Variants in ZBBX observed in about 807,000 individuals in gnomAD.
The protein encoded by ZBBX is zinc finger B-box domain containing.
ZBBX carries 101 observed loss-of-function variants against 108.5 expected under a neutral mutation model. That is an observed-to-expected ratio of 0.93 (90% CI 0.79 to 1.10). The LOEUF (loss-of-function observed/expected upper bound fraction) is 1.10. ZBBX is among the 50% of genes least tolerant of loss of function. ZBBX has a pLI of 0.00. For synonymous variants in ZBBX, 356 were observed against 323.4 expected, an observed-to-expected ratio of 1.10 and a Z score of -1.08; for missense variants, 1,009 against 941.4, an observed-to-expected ratio of 1.07 and a Z score of -0.94.
chr3:167,404,557 G>A (rs200528302), intron 1 of ZBBX, among the ~76,000 whole-genome samples: 20 of 140,188 alleles, frequency 1.4e-4, no homozygotes, highest in East Asian at 1.2e-3. Flanking sequence ...CTTTCTCCAC[G>A]CCCATTCAAG....
chr3:167,390,079 G>C (rs1360572512), intron 1 of ZBBX, among the ~76,000 whole-genome samples: 2 of 151,982 alleles, frequency 1.3e-5, no homozygotes, highest in African/African-American at 2.4e-5. Context: ...GTTTCTTCTA[G>C]GGTTTTTATG....
chr3:167,274,242 G>A (rs1727069914), intron 20 of ZBBX, among the ~76,000 whole-genome samples: 1 of 152,178 alleles, frequency 6.6e-6, no homozygotes, highest in South Asian at 2.1e-4. Flanking sequence ...CTAGAAAGAT[G>A]ATTTGGTAAA....
At chr3:167,212,317 C>A in the ZBBX span, among the ~76,000 whole-genome samples, 2 of 152,282 alleles carry the variant, frequency 1.3e-5, no homozygotes, top group East Asian at 3.9e-4. Context: ...CAGGCCTGGG[C>A]CTCCAGCCAC....
chr3:167,217,230 G>C, the ZBBX span, among the ~76,000 whole-genome samples: 1 of 152,196 alleles, frequency 6.6e-6, no homozygotes, highest in Non-Finnish European at 1.5e-5. Flanking sequence ...GCATCTGATA[G>C]AGGTCTAATA....
intron 9 of ZBBX, among the ~76,000 whole-genome samples, chr3:167,339,071 C>A (rs1258797451): frequency 1.3e-5 from 2 of 152,098 alleles, no homozygotes; most frequent in Non-Finnish European, 2.9e-5. Flanking sequence ...ACCTCATATG[C>A]AGTCGGTAAA....
At chr3:167,206,146 T>C in the ZBBX span, among the ~76,000 whole-genome samples, 1 of 152,080 alleles carries the variant, frequency 6.6e-6, no homozygotes. Context: ...TCTCATTTCT[T>C]ACTCTTCCCT....
chr3:167,336,106 G>T (rs997290332), intron 9 of ZBBX, among the ~76,000 whole-genome samples: 2 of 151,424 alleles, frequency 1.3e-5, no homozygotes, highest in Non-Finnish European at 2.9e-5. Context: ...AAAGCTATAG[G>T]ATTAATTTTA....
chr3:167,238,039 T>C (rs947220275), downstream of ZBBX, among the ~76,000 whole-genome samples: 4 of 151,978 alleles, frequency 2.6e-5, no homozygotes, highest in Non-Finnish European at 5.9e-5. Context: ...AATTTGTTTC[T>C]TCATCACAAG....
intron 20 of ZBBX, among the ~76,000 whole-genome samples, chr3:167,251,624 A>G (rs1722621646): frequency 1.3e-5 from 2 of 152,148 alleles, no homozygotes; most frequent in South Asian, 2.1e-4. Context: ...AGGACTTACT[A>G]TGTGCTAGGC....
At chr3:167,219,596 A>G in the ZBBX span, among the ~76,000 whole-genome samples, 1 of 151,954 alleles carries the variant, frequency 6.6e-6, no homozygotes, top group Non-Finnish European at 1.5e-5. Context: ...GAAAGAAAAC[A>G]TACAAAAACA....
intron 16 of ZBBX, among the ~76,000 whole-genome samples, chr3:167,313,499 T>A (rs374901030): frequency 1.3e-5 from 2 of 152,058 alleles, no homozygotes; most frequent in South Asian, 2.1e-4. Flanking sequence ...GCCAGGCTGG[T>A]CTCAAACTCC....
chr3:167,399,623 A>G (rs1049680330), intron 1 of ZBBX: 5 of 152,186 alleles, frequency 3.3e-5, no homozygotes, highest in Non-Finnish European at 7.3e-5. Flanking sequence ...AGACCTTAGC[A>G]TGTGCAAGGT....
At chr3:167,385,158 T>C (rs1015926183), upstream of ZBBX, among the ~76,000 whole-genome samples, 2 of 152,028 alleles carry the variant, frequency 1.3e-5, no homozygotes, top group Non-Finnish European at 2.9e-5. Flanking sequence ...TGTACAAACA[T>C]CAAAGAGTGA....
chr3:167,387,934 A>C (rs530819023), intron 1 of ZBBX, among the ~76,000 whole-genome samples: 1 of 152,200 alleles, frequency 6.6e-6, no homozygotes, highest in South Asian at 2.1e-4. Flanking sequence ...TATTAATTCA[A>C]ACATGCCATT....
downstream of ZBBX, among the ~76,000 whole-genome samples, chr3:167,237,322 A>C (rs1041160520): frequency 6.6e-6 from 1 of 151,932 alleles, no homozygotes; most frequent in Non-Finnish European, 1.5e-5. Flanking sequence ...GTGCATGTCC[A>C]GAGGCTGTAA....
chr3:167,370,160 A>G (rs11719773), intron 4 of ZBBX, among the ~76,000 whole-genome samples: 2,019 of 152,322 alleles, frequency 0.013, 22 homozygotes, highest in Admixed American at 0.028. Flanking sequence ...AAGACAACCA[A>G]TTAGTAGACT....
At chr3:167,338,591 T>C (rs1312424696) in intron 9 of ZBBX, among the ~76,000 whole-genome samples, 2 of 152,042 alleles carry the variant, frequency 1.3e-5, no homozygotes, top group Non-Finnish European at 2.9e-5. Context: ...CTTTGCAAGT[T>C]TGAGGGGGAA....
intron 17 of ZBBX, 106 bp downstream of exon 17, chr3:167,305,537 T>C (rs1733479454): frequency 1.1e-6 from 1 of 910,026 alleles, no homozygotes; most frequent in Admixed American, 3.7e-5. Context: ...AGGCAGCACA[T>C]TTTAACTTTA....
intron 10 of ZBBX, among the ~76,000 whole-genome samples, chr3:167,330,868 G>GA (rs1553820652): frequency 5.5e-4 from 24 of 43,324 alleles, no homozygotes; most frequent in East Asian, 2.1e-3. Flanking sequence ...GGAGGAGGAG[G>GA]AGGAGAAGAA....
Sources: gnomAD v4.1 joint callset for allele counts (sites outside exome capture counted in the v4.1 genomes callset) on GRCh38, gnomAD v4.1.1 for gene constraint, MANE v1.5 for transcripts, NCBI Gene and HGNC (gene_info 2026-07-23, HGNC 2026-07-21) for gene names.